FAM83F: variants seen among roughly 807,000 people sequenced by gnomAD.
FAM83F encodes the protein scaffolding CK1 anchoring protein F.
In FAM83F, 45 loss-of-function variants were observed where a neutral mutation model predicts 42.9. The observed-to-expected ratio is 1.05, with a 90% CI of 0.83 to 1.35. FAM83F has a LOEUF of 1.35. Among genes scored for constraint, FAM83F ranks in the 40% most tolerant of loss-of-function variants. The probability of loss-of-function intolerance (pLI) is 0.00; values close to 1 mark genes in which losing one functional copy is unlikely to be tolerated. For synonymous variants in FAM83F, 306 were observed against 298.3 expected (o/e 1.03, Z -0.27); for missense variants, 617 against 695.9 (o/e 0.89, Z 1.28).
In FAM83F at chr22:40,021,424, G is replaced by A; in HGVS notation, c.914G>A (p.Ser305Asn). 1 of 1,613,658 alleles carries A rather than the reference G, an allele frequency of 6.2e-7. No homozygotes were observed. ...GAGGTGGACTTGTACCGGCAGCTGA[G>A]CCTGGCGGGCAGGGTTGGCCTCCAT... ...SEEVDLYRQL[S>N]LAGRVGLHYS... The change falls in exon 4 of 5, where the codon AGC becomes AAC. Residue 305 changes from serine (S) to asparagine (N), a missense_variant. Coordinates refer to ENST00000333407, the MANE Select transcript of FAM83F (RefSeq NM_138435.4). The surrounding 1 kb of genome is among the most constrained non-coding windows in gnomAD (Gnocchi z 8.7).
chr22:40,013,107 A>G (rs1290395198), intron 1 of FAM83F, among the ~76,000 whole-genome samples: 3 of 150,208 alleles, frequency 2.0e-5, no homozygotes, highest in Non-Finnish European at 4.4e-5. Flanking sequence ...AAAAAAAAAA[A>G]GACTGCTCCT....
Position 40,034,475 on chromosome 22 carries a change from C to G in FAM83F, c.*4910C>G, listed in dbSNP as rs2067609572. On this transcript the variant is annotated 3_prime_UTR_variant, in exon 5 of 5. Transcript: ENST00000333407. ...GTTAGGCAGGCCTGGACTTCTCGCC[C>G]TTCCCCTTGCAGCTTCTGCTCTCCC... 1 of 152,330 alleles carries G rather than the reference C, an allele frequency of 6.6e-6. No individual in the cohort carries two copies. The highest frequency in any genetic ancestry group is 6.5e-5 in the Admixed American group (1 of 15,278). 9.4% of individuals were successfully genotyped at this position (152,330 alleles called of 1,614,324 possible).
At chr22:40,002,085 T>A (rs1319696924) in intron 1 of FAM83F, among the ~76,000 whole-genome samples, 2 of 152,162 alleles carry the variant, frequency 1.3e-5, no homozygotes, top group Admixed American at 1.3e-4. Flanking sequence ...CAGCCCAGGA[T>A]CTATGCTGGG....
intron 1 of FAM83F, among the ~76,000 whole-genome samples, chr22:40,008,600 G>A (rs114872874): frequency 6.6e-6 from 1 of 152,272 alleles, no homozygotes; most frequent in African/African-American, 2.4e-5. Flanking sequence ...AAAGTGGGAC[G>A]TCCCCCTCGT....
In FAM83F at chr22:40,027,752, A is replaced by C. The variant is rs536579939; in HGVS notation, c.1454-1764A>C. Among the ~76,000 whole-genome samples, 302 of 152,284 alleles carry C rather than the reference A, an allele frequency of 2.0e-3. 1 individual carries two copies. The highest frequency in any genetic ancestry group is 7.0e-3 in the African/African-American group (291 of 41,576). On this transcript the variant is annotated intron_variant, in intron 4 of 4. Transcript: ENST00000333407. ...CACCCTGCCTTACAAAAAAGTGGGG[A>C]GCATGGTGCTGGTGAAGATGGGCCC...
Position 40,034,033 on chromosome 22 carries a change from C to T in FAM83F, c.*4468C>T, listed in dbSNP as rs1424807989. The T allele has an allele frequency of 6.6e-6, 1 of 152,264 alleles. No individual in the cohort carries two copies. Among genetic ancestry groups the T allele is most frequent in the African/African-American group, 2.4e-5 (1 of 41,448 alleles). 9.4% of individuals were successfully genotyped at this position (152,264 alleles called of 1,614,324 possible). On this transcript the variant is annotated 3_prime_UTR_variant, in exon 5 of 5. Coordinates refer to ENST00000333407, the MANE Select transcript of FAM83F (RefSeq NM_138435.4). ...GCACAGACAGTACCACTGCACATACCTGTGTGTGCCCAGCGGTGGACCCAC... is the reference window on the plus strand; with the variant it reads ...GCACAGACAGTACCACTGCACATACTTGTGTGTGCCCAGCGGTGGACCCAC...
intron 1 of FAM83F, among the ~76,000 whole-genome samples, chr22:40,016,201 T>G (rs73414424): frequency 0.076 from 11,554 of 151,752 alleles, 1,419 homozygotes; most frequent in African/African-American, 0.26. Context: ...TGTTGTTGTT[T>G]TTTTATTTTT....
At chr22:39,999,754 T>A (rs528842537) in intron 1 of FAM83F, among the ~76,000 whole-genome samples, 1 of 152,326 alleles carries the variant, frequency 6.6e-6, no homozygotes, top group African/African-American at 2.4e-5. Flanking sequence ...AACTAGGAGC[T>A]GCTTCTATTT....
At position 40,023,775 on chromosome 22, in the gene FAM83F, G is replaced by A. The variant is rs2145721704; in HGVS notation, c.1453+1812G>A. Among the ~76,000 whole-genome samples the A allele has an allele frequency of 6.6e-6, 1 of 152,264 alleles. No homozygotes were observed. Among genetic ancestry groups the A allele is most frequent in the Admixed American group, 6.5e-5 (1 of 15,294 alleles). On this transcript the variant is annotated intron_variant, in intron 4 of 4. Coordinates refer to ENST00000333407, the MANE Select transcript of FAM83F (RefSeq NM_138435.4). The surrounding 1 kb of genome is among the most constrained non-coding windows in gnomAD (Gnocchi z 4.1). ...TCCTCTCCAGGGCACCTGATGCTGG[G>A]ATAGAGAGAGAGAGGGAATAGTGAG...
Position 40,029,649 on chromosome 22 carries a change from C to T in FAM83F, c.*84C>T. 1 of 1,542,148 alleles carries T rather than the reference C, an allele frequency of 6.5e-7. No homozygotes were observed. Among genetic ancestry groups the T allele is most frequent in the Admixed American group, 1.9e-5 (1 of 51,408 alleles). ...GGAGAGCGCAGGTCGCACACTGCACCAGTTTGCACATCAGACGCCAACTGG... is the reference window on the plus strand; with the variant it reads ...GGAGAGCGCAGGTCGCACACTGCACTAGTTTGCACATCAGACGCCAACTGG... On this transcript the variant is annotated 3_prime_UTR_variant, in exon 5 of 5. Transcript: ENST00000333407.
intron 1 of FAM83F, among the ~76,000 whole-genome samples, chr22:40,010,925 G>C (rs2067459667): frequency 6.6e-6 from 1 of 152,198 alleles, no homozygotes. Context: ...GCCCTGAACT[G>C]TGCCAGCCCA....
rs747090490 is a variant in FAM83F, at chr22:40,021,821, C to T, written c.1311C>T (p.Arg437=). 3 of 1,612,782 alleles carry T rather than the reference C, an allele frequency of 1.9e-6. No homozygotes were observed. In the Admixed American group the frequency reaches 5.0e-5, roughly 27 times the overall value. The change falls in exon 4 of 5, where the codon CGC becomes CGT. Residue 437 remains arginine (R), a synonymous_variant. Transcript: ENST00000333407. This position sits in a 1 kb window ranked among gnomAD's most constrained non-coding sequence, Gnocchi z 8.7. ...AARGEAAPAR[R]FSSRLFSRRA... ...GGGGGGAGGCCGCCCCCGCCAGGCG[C>T]TTCAGCAGCAGGCTCTTCAGTCGCC...
chr22:40,029,305 T>C (rs2067573618), intron 4 of FAM83F, among the ~76,000 whole-genome samples: 1 of 151,958 alleles, frequency 6.6e-6, no homozygotes, highest in Non-Finnish European at 1.5e-5. Flanking sequence ...CCAGTGGGGC[T>C]CCTGCCGAGG....
At chr22:40,011,698 C>T (rs1351189177) in intron 1 of FAM83F, among the ~76,000 whole-genome samples, 1 of 152,192 alleles carries the variant, frequency 6.6e-6, no homozygotes, top group Non-Finnish European at 1.5e-5. Context: ...GGAACTAGTT[C>T]GTTACTTCTG....
chr22:39,995,331 G>A lies in FAM83F; in HGVS notation c.289G>A (p.Ala97Thr). ...GGCCAAGGCCAAGGCCCCCGCGCCGGCGCCGGCTGAGTCCGGCGAGTCCCT... is the reference window on the plus strand; with the variant it reads ...GGCCAAGGCCAAGGCCCCCGCGCCGACGCCGGCTGAGTCCGGCGAGTCCCT... ...SKAKAKAPAP[A>T]PAESGESLAY... Residue 97 changes from alanine to threonine, a missense_variant, in exon 1 of 5, where the codon GCG becomes ACG. Ala to Thr is a moderately conservative substitution (Grantham distance 58, BLOSUM62 0). Transcript: ENST00000333407. This position sits in a 1 kb window ranked among gnomAD's most constrained non-coding sequence, Gnocchi z 4.6. The A allele has an allele frequency of 2.6e-6, 4 of 1,539,796 alleles. No homozygotes were observed. Among genetic ancestry groups the A allele is most frequent in the Non-Finnish European group, 2.6e-6 (3 of 1,146,006 alleles).
In FAM83F at chr22:39,995,374, G is replaced by C; in HGVS notation, c.332G>C (p.Arg111Pro). The change falls in exon 1 of 5, where the codon CGT becomes CCT. Residue 111 changes from arginine to proline, a missense_variant. Coordinates refer to ENST00000333407, the MANE Select transcript of FAM83F (RefSeq NM_138435.4). The surrounding 1 kb of genome is among the most constrained non-coding windows in gnomAD (Gnocchi z 4.6). ...SGESLAYWPDRSDTEVPPLDL... is the reference protein window; with the variant it reads ...SGESLAYWPDPSDTEVPPLDL... ...GAGTCCCTGGCCTACTGGCCCGACC[G>C]TTCCGACACCGAGGTGCCTCCTCTG... 6.5e-7 allele frequency: 1 copy of C among 1,545,744 alleles called. No homozygotes were observed.
chr22:40,027,515 C>T (rs762514773), intron 4 of FAM83F, among the ~76,000 whole-genome samples: 3 of 152,176 alleles, frequency 2.0e-5, no homozygotes, highest in African/African-American at 4.8e-5. Context: ...TCCCAGGCCA[C>T]GCATACTTTG....
Position 40,039,994 on chromosome 22 carries a change from T to A in FAM83F, c.*10429T>A, listed in dbSNP as rs551426813. On this transcript the variant is annotated 3_prime_UTR_variant, in exon 5 of 5. Transcript: ENST00000333407. The stretch of plus-strand genomic sequence containing the variant: ...CAGGCCATTATTTAAAAAGCTAGGA[T>A]AAGAAAATAGAGAAGAAAGGGAAGG... 6.6e-6 allele frequency: 1 copy of A among 152,024 alleles called. No individual in the cohort carries two copies. The highest frequency in any genetic ancestry group is 1.5e-5 in the Non-Finnish European group (1 of 67,988). 9.4% of individuals were successfully genotyped at this position (152,024 alleles called of 1,614,324 possible).
rs1382527687 is a variant in FAM83F at position 40,038,084 on chromosome 22, C to G, written c.*8519C>G. ...TTCAAACGAACTTATTGAGAACTTA[C>G]TGTGTTCCAGGCACTGTGATAAGAT... On this transcript the variant is annotated 3_prime_UTR_variant, in exon 5 of 5. Transcript: ENST00000333407. 1 of 152,262 alleles carries G rather than the reference C, an allele frequency of 6.6e-6. No homozygotes were observed. Among genetic ancestry groups the G allele is most frequent in the East Asian group, 1.9e-4 (1 of 5,206 alleles). 9.4% of individuals were successfully genotyped at this position (152,262 alleles called of 1,614,324 possible).
Sources: allele counts gnomAD v4.1 joint callset (sites outside exome capture counted in the v4.1 genomes callset), GRCh38; gene constraint gnomAD v4.1.1; non-coding constraint Gnocchi (gnomAD v3.1); transcripts MANE v1.5; gene names NCBI Gene and HGNC (gene_info 2026-07-23, HGNC 2026-07-21).